The following UVRAG variants were observed in gnomAD, a reference collection of about 807,000 sequenced individuals.
The protein encoded by UVRAG is UV radiation resistance-associated gene protein.
In UVRAG, 19 loss-of-function variants were observed where a neutral mutation model predicts 78.0. The observed-to-expected ratio is 0.24, with a 90% CI of 0.17 to 0.36. The LOEUF (loss-of-function observed/expected upper bound fraction) is 0.36. Among genes scored for constraint, UVRAG ranks in the 10% least tolerant of loss-of-function variants. UVRAG has a pLI of 1.00. For missense variants in UVRAG, 740 were observed against 853.8 expected, an observed-to-expected ratio of 0.87 and a Z score of 1.66; for synonymous variants, 323 against 324.6, an observed-to-expected ratio of 1.00 and a Z score of 0.05.
At chr11:76,072,118 A>G (rs1186614713) in intron 13 of UVRAG, among the ~76,000 whole-genome samples, 2 of 152,130 alleles carry the variant, frequency 1.3e-5, no homozygotes, top group Middle Eastern at 3.2e-3. Context: ...GAGAGAGACA[A>G]ATACAGACAC....
chr11:76,065,132 G>A (rs148233334), intron 12 of UVRAG, among the ~76,000 whole-genome samples: 19 of 152,332 alleles, frequency 1.2e-4, no homozygotes, highest in African/African-American at 4.1e-4. Flanking sequence ...GGAAATTCAT[G>A]TATGAGAGCC....
intron 13 of UVRAG, among the ~76,000 whole-genome samples, chr11:76,094,170 G>A (rs1389322227): frequency 2.0e-5 from 3 of 152,254 alleles, no homozygotes; most frequent in African/African-American, 4.8e-5. Context: ...TTATTGATTT[G>A]TGTATGTTGA....
intron 11 of UVRAG, among the ~76,000 whole-genome samples, chr11:76,010,545 A>G (rs1950031484): frequency 6.6e-6 from 1 of 152,138 alleles, no homozygotes; most frequent in Non-Finnish European, 1.5e-5. Flanking sequence ...GGTGATGATG[A>G]AGGAGGAATG....
At chr11:75,941,801 T>C (rs928697343) in intron 6 of UVRAG, among the ~76,000 whole-genome samples, 4 of 152,142 alleles carry the variant, frequency 2.6e-5, no homozygotes, top group African/African-American at 9.7e-5. Flanking sequence ...GAACTTTAGA[T>C]GTGGAACTTC....
intron 4 of UVRAG, among the ~76,000 whole-genome samples, chr11:75,882,796 TA>T (rs1946981015): frequency 6.6e-6 from 1 of 152,200 alleles, no homozygotes; most frequent in Non-Finnish European, 1.5e-5. Flanking sequence ...GCTTTTAACA[TA>T]TTTTTTTTAT....
chr11:75,826,734 C>A (rs1945521413), intron 1 of UVRAG, among the ~76,000 whole-genome samples: 1 of 143,240 alleles, frequency 7.0e-6, no homozygotes, highest in South Asian at 2.2e-4. Context: ...TTAAGAACTT[C>A]TGTTCTCTGC....
At chr11:76,070,303 G>A (rs1951277652) in intron 13 of UVRAG, among the ~76,000 whole-genome samples, 1 of 152,068 alleles carries the variant, frequency 6.6e-6, no homozygotes, top group Non-Finnish European at 1.5e-5. Flanking sequence ...GGGAGGGAGA[G>A]GAGGAAATAG....
At chr11:76,127,223 G>A (rs1565172080) in intron 14 of UVRAG, among the ~76,000 whole-genome samples, 2 of 152,190 alleles carry the variant, frequency 1.3e-5, no homozygotes, top group Non-Finnish European at 2.9e-5. Context: ...ATGTCTGAAA[G>A]ATGTGTTGAA....
rs1265697633 is a variant in UVRAG, at chr11:76,141,542, A to C, written c.*129A>C. On this transcript the variant is annotated 3_prime_UTR_variant, in exon 15 of 15. Transcript: ENST00000356136. ...TGGAGGATATTCCTCGGAAAAACAGACTTTGGGAATGAAGGAGGGACTCAG... is the reference window on the plus strand; with the variant it reads ...TGGAGGATATTCCTCGGAAAAACAGCCTTTGGGAATGAAGGAGGGACTCAG... The C allele has an allele frequency of 3.0e-6, 3 of 984,992 alleles. No individual in the cohort carries two copies. The highest frequency in any genetic ancestry group is 4.4e-6 in the Non-Finnish European group (3 of 687,236). 61.0% of individuals were successfully genotyped at this position (984,992 alleles called of 1,614,324 possible). A position where few individuals can be genotyped will look rare whatever the true frequency, so the allele number is the denominator to read the frequency against.
At chr11:76,058,634 C>T (rs1951026949) in intron 12 of UVRAG, among the ~76,000 whole-genome samples, 1 of 151,780 alleles carries the variant, frequency 6.6e-6, no homozygotes, top group African/African-American at 2.4e-5. Context: ...AAGCATGAGG[C>T]AGCAAGAACA....
intron 14 of UVRAG, chr11:76,137,326 C>T (rs1346646778): frequency 1.8e-5 from 8 of 455,340 alleles, no homozygotes; most frequent in East Asian, 6.9e-5. Flanking sequence ...TCCAGACCTG[C>T]GTCCTACAGA....
At chr11:76,108,193 A>ATG (rs543709793) in intron 13 of UVRAG, among the ~76,000 whole-genome samples, 14 of 152,268 alleles carry the variant, frequency 9.2e-5, no homozygotes, top group African/African-American at 2.9e-4. Flanking sequence ...GGGTGGGGAC[A>ATG]TGTGTGTGTG....
At chr11:76,129,551 G>T (rs1366336725) in intron 14 of UVRAG, among the ~76,000 whole-genome samples, 2 of 152,124 alleles carry the variant, frequency 1.3e-5, no homozygotes, top group Non-Finnish European at 2.9e-5. Context: ...TTTTCTACCA[G>T]TCTTCCATCC....
intron 6 of UVRAG, among the ~76,000 whole-genome samples, chr11:75,947,716 G>C (rs1222809976): frequency 6.6e-6 from 1 of 152,146 alleles, no homozygotes; most frequent in Admixed American, 6.6e-5. Flanking sequence ...AAGCAGTGAA[G>C]ACCACGGGCT....
At chr11:76,129,212 G>A (rs1182449917) in intron 14 of UVRAG, among the ~76,000 whole-genome samples, 2 of 152,192 alleles carry the variant, frequency 1.3e-5, no homozygotes, top group African/African-American at 4.8e-5. Flanking sequence ...AGTTTTAGAA[G>A]TCCTGCTTTA....
At chr11:75,894,285 G>A (rs1443589789) in intron 5 of UVRAG, among the ~76,000 whole-genome samples, 1 of 151,960 alleles carries the variant, frequency 6.6e-6, no homozygotes, top group Non-Finnish European at 1.5e-5. Context: ...AACTTCTATA[G>A]CAATTTGACG....
intron 13 of UVRAG, among the ~76,000 whole-genome samples, chr11:76,086,885 CTTAG>C (rs1292585805): frequency 3.3e-5 from 5 of 152,318 alleles, no homozygotes; most frequent in African/African-American, 4.8e-5. Flanking sequence ...TATTGCAATG[CTTAG>C]TTAGTCATCT....
At chr11:76,130,456 T>A (rs1952493915) in intron 14 of UVRAG, among the ~76,000 whole-genome samples, 1 of 152,234 alleles carries the variant, frequency 6.6e-6, no homozygotes, top group African/African-American at 2.4e-5. Flanking sequence ...TCAATTAATT[T>A]GTTTTATACT....
At chr11:76,074,976 C>T (rs925687896) in intron 13 of UVRAG, among the ~76,000 whole-genome samples, 4 of 152,268 alleles carry the variant, frequency 2.6e-5, no homozygotes, top group East Asian at 3.9e-4. Flanking sequence ...CTGCCAAGGA[C>T]GTGATCCTTC....
Sources: gnomAD v4.1 joint callset for allele counts (sites outside exome capture counted in the v4.1 genomes callset) on GRCh38, gnomAD v4.1.1 for gene constraint, MANE v1.5 for transcripts, NCBI Gene and HGNC (gene_info 2026-07-23, HGNC 2026-07-21) for gene names.